The following GDF11 variants were observed in gnomAD, a reference collection of about 807,000 sequenced individuals.
The protein encoded by GDF11 is growth/differentiation factor 11.
Under a neutral mutation model 34.4 loss-of-function variants are expected in GDF11, and 12 were observed. The ratio of observed to expected loss-of-function variants is 0.35; its 90% CI spans 0.22 to 0.57. The LOEUF is 0.57. Ranked by LOEUF, GDF11 falls within the 20% of genes least tolerant of loss-of-function variation. GDF11 has a pLI of 0.86. For synonymous variants in GDF11, 212 were observed against 231.1 expected, an observed-to-expected ratio of 0.92 and a Z score of 0.75; for missense variants, 346 against 548.2, an observed-to-expected ratio of 0.63 and a Z score of 3.68.
Position 55,748,766 on chromosome 12 carries a change from C to T in GDF11, c.626C>T (p.Ala209Val). Residue 209 changes from alanine (A) to valine (V), a missense_variant, in exon 2 of 3, where the codon GCA becomes GTA. This residue lies in a region of GDF11 where 205 missense variants were observed against 311.3 expected (regional missense o/e 0.66). Coordinates refer to ENST00000257868, the MANE Select transcript of GDF11 (RefSeq NM_005811.5). The surrounding 1 kb of genome is among the most constrained non-coding windows in gnomAD (Gnocchi z 5.6). ...AAACCCCTAACTGGGGAAGGGACCGCAGGGGGAGGGGGCGGAGGCCGGCGT... is the reference window on the plus strand; with the variant it reads ...AAACCCCTAACTGGGGAAGGGACCGTAGGGGGAGGGGGCGGAGGCCGGCGT... The part of the protein sequence containing the change: ...RLKPLTGEGT[A>V]GGGGGGRRHI... 6.2e-7 allele frequency: 1 copy of T among 1,614,222 alleles called. No homozygotes were observed. The highest frequency in any genetic ancestry group is 8.5e-7 in the Non-Finnish European group (1 of 1,180,042).
intron 1 of GDF11, among the ~76,000 whole-genome samples, chr12:55,746,579 C>T (rs1230572963): frequency 6.6e-6 from 1 of 152,194 alleles, no homozygotes; most frequent in Non-Finnish European, 1.5e-5. Context: ...TCCACTGGGA[C>T]AAGTATGTGG....
At position 55,749,120 on chromosome 12, in the gene GDF11, G is replaced by A. The variant is rs1213772135; in HGVS notation, c.843+137G>A. On this transcript the variant is annotated intron_variant, in intron 2 of 2. Transcript: ENST00000257868. This position sits in a 1 kb window ranked among gnomAD's most constrained non-coding sequence, Gnocchi z 5.6. ...TCTCTGGGGTCAGCAGCTGATTCTA[G>A]AGGAGGAGGTGAGGAGTGGGGTGGC... 1 of 898,872 alleles carries A rather than the reference G, an allele frequency of 1.1e-6. No homozygotes were observed. Among genetic ancestry groups the A allele is most frequent in the Admixed American group, 2.9e-5 (1 of 34,546 alleles). The allele number at this position is 898,872 out of a possible 1,614,324, so 55.7% of individuals were successfully genotyped here.
chr12:55,751,701 A>G lies in GDF11; in HGVS notation c.*1819A>G, dbSNP rs1465699683. On this transcript the variant is annotated 3_prime_UTR_variant, in exon 3 of 3. Transcript: ENST00000257868. ...ATCCACACCCTATCCTTACTTCACC[A>G]CCAGGCCTCTTGGCTCCAGGCAAGA... 1 of 152,208 alleles carries G rather than the reference A, an allele frequency of 6.6e-6. No homozygotes were observed. The highest frequency in any genetic ancestry group is 2.1e-4 in the South Asian group (1 of 4,822). 9.4% of individuals were successfully genotyped at this position (152,208 alleles called of 1,614,324 possible).
Position 55,748,227 on chromosome 12 carries a change from CT to C in GDF11, c.446-357del, listed in dbSNP as rs2136167036. 6.6e-6 allele frequency among the ~76,000 whole-genome samples: 1 copy of C among 152,304 alleles called. No homozygotes were observed. The highest frequency in any genetic ancestry group is 2.4e-5 in the African/African-American group (1 of 41,556). On this transcript the variant is annotated intron_variant, in intron 1 of 2. Transcript: ENST00000257868. The surrounding 1 kb of genome is among the most constrained non-coding windows in gnomAD (Gnocchi z 5.6). ...GCAGCAGGTGTGATAAGAGGTATGG[CT>C]TCTATAAAGAGCTTCAAAGATTCAG...
At chr12:55,747,475 T>TA (rs1878210294) in intron 1 of GDF11, among the ~76,000 whole-genome samples, 1 of 152,188 alleles carries the variant, frequency 6.6e-6, no homozygotes. Flanking sequence ...CTTAAAGGCC[T>TA]AGACTTCCTA....
intron 1 of GDF11, among the ~76,000 whole-genome samples, chr12:55,744,737 C>T (rs1031492376): frequency 2.6e-5 from 4 of 151,708 alleles, no homozygotes; most frequent in African/African-American, 9.7e-5. Context: ...CCAGGCCTCT[C>T]TTATTCCCTA....
chr12:55,749,991 A>C lies in GDF11; in HGVS notation c.*109A>C. 2.1e-6 allele frequency: 2 copies of C among 951,194 alleles called. No homozygotes were observed. The highest frequency in any genetic ancestry group is 2.3e-5 in the Admixed American group (1 of 42,824). The allele number at this position is 951,194 out of a possible 1,614,324, so 58.9% of individuals were successfully genotyped here. A position where few individuals can be genotyped will look rare whatever the true frequency, so the allele number is the denominator to read the frequency against. On this transcript the variant is annotated 3_prime_UTR_variant, in exon 3 of 3. Transcript: ENST00000257868. This position sits in a 1 kb window ranked among gnomAD's most constrained non-coding sequence, Gnocchi z 5.6. ...CCTCCACTCTTCCCGCGAACATCAC[A>C]CCGTTCCCCGACCAAGCCGTGTGCA...
chr12:55,749,476 T>C lies in GDF11; in HGVS notation c.844-26T>C. On this transcript the variant is annotated intron_variant, in intron 2 of 2. Coordinates refer to ENST00000257868, the MANE Select transcript of GDF11 (RefSeq NM_005811.5). This position sits in a 1 kb window ranked among gnomAD's most constrained non-coding sequence, Gnocchi z 5.6. ...GGAACTGTTCAGGACCATATCACAT[T>C]TCTTTCCCCTCTCCCTGACCCTCAG... 1.3e-6 allele frequency: 2 copies of C among 1,584,928 alleles called. No individual in the cohort carries two copies. Among genetic ancestry groups the C allele is most frequent in the South Asian group, 1.2e-5 (1 of 86,872 alleles).
In GDF11 at chr12:55,756,908, G is replaced by GA. The variant is rs1365600096; in HGVS notation, c.*7031dup. The GA allele has an allele frequency of 1.3e-5, 2 of 152,152 alleles. No homozygotes were observed. The highest frequency in any genetic ancestry group is 2.9e-5 in the Non-Finnish European group (2 of 68,034). 9.4% of individuals were successfully genotyped at this position (152,152 alleles called of 1,614,324 possible). On this transcript the variant is annotated 3_prime_UTR_variant, in exon 3 of 3. Transcript: ENST00000257868. The stretch of plus-strand genomic sequence containing the variant: ...GGACCCTGGACTCCATTTTATCCAA[G>GA]AAAAAGTCTGCATTATTAGCTAATA...
In GDF11 at chr12:55,752,200, A is replaced by G. The variant is rs1342422555; in HGVS notation, c.*2318A>G. 1.3e-5 allele frequency: 2 copies of G among 152,320 alleles called. No individual in the cohort carries two copies. Among genetic ancestry groups the G allele is most frequent in the Admixed American group, 6.5e-5 (1 of 15,292 alleles). 9.4% of individuals were successfully genotyped at this position (152,320 alleles called of 1,614,324 possible). On this transcript the variant is annotated 3_prime_UTR_variant, in exon 3 of 3. Transcript: ENST00000257868. ...AAGGAAAGGAACAGAGAAGTGAAGA[A>G]CAGATACCTCCCTCCAAGGTCAAAT...
Position 55,755,923 on chromosome 12 carries a change from T to C in GDF11, c.*6041T>C, listed in dbSNP as rs979467916. 1 of 86,190 alleles carries C rather than the reference T, an allele frequency of 1.2e-5. No homozygotes were observed. Among genetic ancestry groups the C allele is most frequent in the Non-Finnish European group, 2.3e-5 (1 of 44,360 alleles). 5.3% of individuals were successfully genotyped at this position (86,190 alleles called of 1,614,324 possible). The stretch of plus-strand genomic sequence containing the variant: ...AAGGCTGAATATCTTTCTGGAAGGT[T>C]ATAGAGGATAAAGAGACGAAGAAAA... On this transcript the variant is annotated 3_prime_UTR_variant, in exon 3 of 3. Transcript: ENST00000257868.
At position 55,757,019 on chromosome 12, in the gene GDF11, A is replaced by C. The variant is rs1445511243; in HGVS notation, c.*7137A>C. ...ATGTTCTGTTTTATTTCAGTGGGTC[A>C]CTACAAGCTGCTGGAGCAAAGACTT... On this transcript the variant is annotated 3_prime_UTR_variant, in exon 3 of 3. Coordinates refer to ENST00000257868, the MANE Select transcript of GDF11 (RefSeq NM_005811.5). 6.6e-6 allele frequency: 1 copy of C among 152,366 alleles called. No homozygotes were observed. The highest frequency in any genetic ancestry group is 1.5e-5 in the Non-Finnish European group (1 of 68,142). The allele number at this position is 152,366 out of a possible 1,614,324, so 9.4% of individuals were successfully genotyped here.
At chr12:55,746,472 T>TTA (rs962555037) in intron 1 of GDF11, among the ~76,000 whole-genome samples, 31 of 152,202 alleles carry the variant, frequency 2.0e-4, no homozygotes, top group African/African-American at 7.5e-4. Flanking sequence ...TCTTCTCTAT[T>TTA]ATCTCCCTCA....
In GDF11 at chr12:55,749,662, G is replaced by T. The variant is rs1335516178; in HGVS notation, c.1004G>T (p.Arg335Leu). 1 of 1,614,000 alleles carries T rather than the reference G, an allele frequency of 6.2e-7. No individual in the cohort carries two copies. The highest frequency in any genetic ancestry group is 8.5e-7 in the Non-Finnish European group (1 of 1,180,030). ...FGWDWIIAPK[R>L]YKANYCSGQC... The stretch of plus-strand genomic sequence containing the variant: ...TGGGACTGGATCATCGCACCTAAGC[G>T]CTACAAGGCCAACTACTGCTCCGGC... Residue 335 changes from arginine to leucine, a missense_variant, in exon 3 of 3, where the codon CGC (arginine) becomes CTC (leucine). This residue lies in a region of GDF11 where 205 missense variants were observed against 311.3 expected (regional missense o/e 0.66). Transcript: ENST00000257868. The surrounding 1 kb of genome is among the most constrained non-coding windows in gnomAD (Gnocchi z 5.6).
Position 55,749,977 on chromosome 12 carries a change from C to G in GDF11, c.*95C>G. The G allele has an allele frequency of 9.5e-7, 1 of 1,051,672 alleles. No individual in the cohort carries two copies. Among genetic ancestry groups the G allele is most frequent in the Non-Finnish European group, 1.4e-6 (1 of 718,168 alleles). 65.1% of individuals were successfully genotyped at this position (1,051,672 alleles called of 1,614,324 possible). On this transcript the variant is annotated 3_prime_UTR_variant, in exon 3 of 3. Coordinates refer to ENST00000257868, the MANE Select transcript of GDF11 (RefSeq NM_005811.5). The surrounding 1 kb of genome is among the most constrained non-coding windows in gnomAD (Gnocchi z 5.6). ...AAGCCCTAGAGCTCCCTCCACTCTT[C>G]CCGCGAACATCACACCGTTCCCCGA...
In GDF11 at chr12:55,756,823, T is replaced by C. The variant is rs1878519006; in HGVS notation, c.*6941T>C. 6.6e-6 allele frequency: 1 copy of C among 152,270 alleles called. No homozygotes were observed. The highest frequency in any genetic ancestry group is 1.5e-5 in the Non-Finnish European group (1 of 68,038). 9.4% of individuals were successfully genotyped at this position (152,270 alleles called of 1,614,324 possible). ...AGCCCATCTCCCTTCCTGAACTGACTGACCAACATAGTATCGTATCACATC... is the reference window on the plus strand; with the variant it reads ...AGCCCATCTCCCTTCCTGAACTGACCGACCAACATAGTATCGTATCACATC... On this transcript the variant is annotated 3_prime_UTR_variant, in exon 3 of 3. Coordinates refer to ENST00000257868, the MANE Select transcript of GDF11 (RefSeq NM_005811.5).
Position 55,752,382 on chromosome 12 carries a change from G to GC in GDF11, c.*2500_*2501insC, listed in dbSNP as rs989593623. The GC allele has an allele frequency of 6.9e-6, 1 of 144,322 alleles. No individual in the cohort carries two copies. The highest frequency in any genetic ancestry group is 6.9e-5 in the Admixed American group (1 of 14,584). 8.9% of individuals were successfully genotyped at this position (144,322 alleles called of 1,614,324 possible). On this transcript the variant is annotated 3_prime_UTR_variant, in exon 3 of 3. Coordinates refer to ENST00000257868, the MANE Select transcript of GDF11 (RefSeq NM_005811.5). ...GACCTTTGTGTGTGTGTGGTGGGTG[G>GC]GGGGGGGGCAGGGGTCTTTCTCTTA...
intron 1 of GDF11, among the ~76,000 whole-genome samples, chr12:55,744,709 C>T (rs560502404): frequency 6.6e-6 from 1 of 151,646 alleles, no homozygotes; most frequent in Non-Finnish European, 1.5e-5. Flanking sequence ...GTCTCCCCCC[C>T]TCCCCAACTA....
In GDF11 at chr12:55,755,446, T is replaced by C. The variant is rs912397182; in HGVS notation, c.*5564T>C. On this transcript the variant is annotated 3_prime_UTR_variant, in exon 3 of 3. Transcript: ENST00000257868. ...CCCACAGCTTTTATAGACTCCCTCA[T>C]TAAGAGCTTCCAGGTATGCAGAGAA... The C allele has an allele frequency of 1.3e-5, 2 of 152,178 alleles. No homozygotes were observed. The highest frequency in any genetic ancestry group is 2.9e-5 in the Non-Finnish European group (2 of 68,042). The allele number at this position is 152,178 out of a possible 1,614,324, so 9.4% of individuals were successfully genotyped here. A position where few individuals can be genotyped will look rare whatever the true frequency, so the allele number is the denominator to read the frequency against.
Sources: gnomAD v4.1 joint callset for allele counts (sites outside exome capture counted in the v4.1 genomes callset) on GRCh38, gnomAD v4.1.1 for gene constraint, gnomAD v4.1.1 regional missense constraint, Gnocchi (gnomAD v3.1) non-coding constraint, MANE v1.5 for transcripts, NCBI Gene and HGNC (gene_info 2026-07-23, HGNC 2026-07-21) for gene names.